RPS6KC1: variants seen among roughly 807,000 people sequenced by gnomAD.
RPS6KC1 encodes the protein ribosomal protein S6 kinase C1.
In RPS6KC1, 54 loss-of-function variants were observed where a neutral mutation model predicts 103.8. The observed-to-expected ratio is 0.52, with a 90% CI of 0.42 to 0.65. The LOEUF (loss-of-function observed/expected upper bound fraction) is 0.65, where lower values mean the gene tolerates loss of function less well. RPS6KC1 is among the 30% of genes least tolerant of loss of function. RPS6KC1 has a pLI of 0.00. For synonymous variants in RPS6KC1, 439 were observed against 438.7 expected (o/e 1.00, Z -0.01); for missense variants, 1,151 against 1,253.8 (o/e 0.92, Z 1.24).
the RPS6KC1 span, among the ~76,000 whole-genome samples, chr1:213,698,851 A>G: frequency 0.13 from 19,338 of 150,338 alleles, 1,370 homozygotes; most frequent in African/African-American, 0.19. Context: ...CATTTTGTTC[A>G]TTTCTCTTAT....
At chr1:213,762,863 C>CATT in the RPS6KC1 span, among the ~76,000 whole-genome samples, 2 of 146,310 alleles carry the variant, frequency 1.4e-5, no homozygotes. Flanking sequence ...AATTTTTTTA[C>CATT]GTTTTTTTTT....
In RPS6KC1 at chr1:213,182,176, G is replaced by A. The variant is rs12045735; in HGVS notation, c.1044+5684G>A. Among the ~76,000 whole-genome samples, 92 of 152,218 alleles carry A rather than the reference G, an allele frequency of 6.0e-4. No homozygotes were observed. The East Asian group carries it at 0.017, about 28-fold the overall frequency. Reference sequence around the variant, plus strand: ...ATATAACTAGAGCAACCACTAAAAAGCTTTTTAAAGTATACACTAAAAAAT... The same window carrying A: ...ATATAACTAGAGCAACCACTAAAAAACTTTTTAAAGTATACACTAAAAAAT... On this transcript the variant is annotated intron_variant, in intron 8 of 14. Transcript: ENST00000366960.
chr1:213,447,687 G>T, the RPS6KC1 span, among the ~76,000 whole-genome samples: 1 of 152,120 alleles, frequency 6.6e-6, no homozygotes, highest in Non-Finnish European at 1.5e-5. Flanking sequence ...ATGCGGCTCA[G>T]GTAGGGTGGG....
At chr1:213,223,721 T>G (rs1335866092) in intron 8 of RPS6KC1, among the ~76,000 whole-genome samples, 1 of 152,202 alleles carries the variant, frequency 6.6e-6, no homozygotes, top group Non-Finnish European at 1.5e-5. Flanking sequence ...TTTGGGTAGC[T>G]ACCCAGTAGT....
At chr1:213,800,631 T>C in the RPS6KC1 span, among the ~76,000 whole-genome samples, 1 of 152,178 alleles carries the variant, frequency 6.6e-6, no homozygotes, top group Admixed American at 6.5e-5. Flanking sequence ...AGAACAATTC[T>C]CCTTATGACT....
In RPS6KC1 at chr1:213,272,514, CT is replaced by C; in HGVS notation, c.3091-3del. On this transcript the variant is annotated splice_polypyrimidine_tract_variant and intron_variant, in intron 14 of 14. Transcript: ENST00000366960. ...GATTCCTGTTACTCACTAAGTCCGT[CT>C]TTTTTTAGCTCTTGCAGTTCAATCC... is the stretch of plus-strand genomic sequence containing the variant. 2 of 1,608,482 alleles carry C rather than the reference CT, an allele frequency of 1.2e-6. No individual in the cohort carries two copies. Among genetic ancestry groups the C allele is most frequent in the Non-Finnish European group, 1.7e-6 (2 of 1,174,936 alleles).
chr1:213,052,820 G>A (rs1314953938), intron 1 of RPS6KC1, among the ~76,000 whole-genome samples: 35 of 152,138 alleles, frequency 2.3e-4, no homozygotes, highest in Non-Finnish European at 4.4e-5. Context: ...GGGATTACAG[G>A]CATGAGCCAC....
chr1:213,697,517 G>T, the RPS6KC1 span, among the ~76,000 whole-genome samples: 1 of 152,194 alleles, frequency 6.6e-6, no homozygotes, highest in Non-Finnish European at 1.5e-5. Flanking sequence ...CCACAGAGAT[G>T]AACTTCCATG....
the RPS6KC1 span, among the ~76,000 whole-genome samples, chr1:213,626,485 A>T: frequency 0.011 from 1,738 of 152,202 alleles, 34 homozygotes; most frequent in African/African-American, 0.039. Context: ...GGTGTTTTAG[A>T]CATGAAGTCC....
the RPS6KC1 span, among the ~76,000 whole-genome samples, chr1:213,332,029 T>TAA: frequency 6.5e-3 from 864 of 133,398 alleles, 7 homozygotes; most frequent in African/African-American, 0.021. Context: ...CACAAGATCT[T>TAA]AAAAAAAAAA....
the RPS6KC1 span, among the ~76,000 whole-genome samples, chr1:213,790,755 A>G: frequency 6.6e-6 from 1 of 152,192 alleles, no homozygotes; most frequent in African/African-American, 2.4e-5. Flanking sequence ...AAGTGGAAAT[A>G]TTTGTACAAG....
At chr1:213,447,926 T>C in the RPS6KC1 span, among the ~76,000 whole-genome samples, 1 of 152,184 alleles carries the variant, frequency 6.6e-6, no homozygotes, top group Admixed American at 6.5e-5. Context: ...AATGCATTTG[T>C]ATTGTATTTT....
chr1:213,555,352 A>G, the RPS6KC1 span, among the ~76,000 whole-genome samples: 2 of 152,264 alleles, frequency 1.3e-5, no homozygotes, highest in African/African-American at 4.8e-5. Flanking sequence ...GATTTTAGGT[A>G]ATGCTGCTGA....
At chr1:213,657,081 A>G in the RPS6KC1 span, among the ~76,000 whole-genome samples, 1 of 152,248 alleles carries the variant, frequency 6.6e-6, no homozygotes, top group Non-Finnish European at 1.5e-5. Context: ...GTATTCAACT[A>G]TAAATTAACA....
chr1:213,296,532 C>G, the RPS6KC1 span, among the ~76,000 whole-genome samples: 1 of 152,156 alleles, frequency 6.6e-6, no homozygotes, highest in Non-Finnish European at 1.5e-5. Context: ...TGATTAGTGT[C>G]TTGGCATCAA....
intron 5 of RPS6KC1, among the ~76,000 whole-genome samples, chr1:213,127,770 C>T (rs1365461456): frequency 6.6e-6 from 1 of 152,136 alleles, no homozygotes; most frequent in Non-Finnish European, 1.5e-5. Context: ...ACTTAGTTTT[C>T]TGATGAGATT....
the RPS6KC1 span, among the ~76,000 whole-genome samples, chr1:213,516,618 T>A: frequency 6.6e-6 from 1 of 152,218 alleles, no homozygotes; most frequent in African/African-American, 2.4e-5. Flanking sequence ...GATGTGCTGC[T>A]GGATTCAGTT....
intron 8 of RPS6KC1, among the ~76,000 whole-genome samples, chr1:213,179,356 A>G (rs535217356): frequency 6.6e-6 from 1 of 152,050 alleles, no homozygotes; most frequent in African/African-American, 2.4e-5. Flanking sequence ...TGGAGGTTGC[A>G]GCGAGCCAAG....
chr1:213,118,437 T>C (rs1478579341), intron 5 of RPS6KC1, among the ~76,000 whole-genome samples: 4 of 152,186 alleles, frequency 2.6e-5, no homozygotes, highest in African/African-American at 7.2e-5. Context: ...TAATATTGCT[T>C]ATCTCTTTCA....
Sources: gnomAD v4.1 joint callset for allele counts (sites outside exome capture counted in the v4.1 genomes callset) on GRCh38, gnomAD v4.1.1 for gene constraint, MANE v1.5 for transcripts, NCBI Gene and HGNC (gene_info 2026-07-23, HGNC 2026-07-21) for gene names.